The following MAP3K15 variants were observed in gnomAD, a reference collection of about 807,000 sequenced individuals.
MAP3K15 encodes the protein mitogen-activated protein kinase kinase kinase 15.
A neutral mutation model predicts 99.5 loss-of-function variants in MAP3K15; 124 were observed. That is an observed-to-expected ratio of 1.25 (90% confidence interval 1.08 to 1.45). MAP3K15 has a LOEUF of 1.45. Ranked by LOEUF, MAP3K15 falls within the 40% of genes most tolerant of loss-of-function variation. MAP3K15 has a pLI of 0.00. For missense variants in MAP3K15, 1,242 were observed against 1,079.7 expected, an observed-to-expected ratio of 1.15 and a Z score of -2.11; for synonymous variants, 494 against 439.6, an observed-to-expected ratio of 1.12 and a Z score of -1.55.
chrX:19,468,077 G>T (rs5909119), intron 3 of MAP3K15, among the ~76,000 whole-genome samples: 20 of 110,493 alleles, frequency 1.8e-4, no homozygotes, highest in Admixed American at 1.8e-3. Flanking sequence ...GAGAAAGGCA[G>T]GCTGTAAGAA....
At chrX:19,478,515 C>G (rs2064268289) in intron 3 of MAP3K15, among the ~76,000 whole-genome samples, 1 of 75,960 alleles carries the variant, frequency 1.3e-5, no homozygotes, top group African/African-American at 5.0e-5. Context: ...AAATTGTTAC[C>G]CTGACCGAGA....
At position 19,450,536 on chromosome X, in the gene MAP3K15, T is replaced by G. The variant is rs555148342; in HGVS notation, c.995+6377A>C. ...TCACTTGTTTGTATAAGTTCAGGTG[T>G]GTGTGAGAGAGAAATATACACGTGT... On this transcript the variant is annotated intron_variant, in intron 6 of 28. Transcript: ENST00000338883. Among the ~76,000 whole-genome samples, 3 of 110,207 alleles carry G rather than the reference T, an allele frequency of 2.7e-5. No individual in the cohort carries two copies. The East Asian group carries it at 8.3e-4, about 31-fold the overall frequency.
intron 1 of MAP3K15, among the ~76,000 whole-genome samples, chrX:19,510,414 C>A (rs770798805): frequency 3.6e-5 from 4 of 112,021 alleles, no homozygotes; most frequent in Non-Finnish European, 7.5e-5. Flanking sequence ...CAAACATAAT[C>A]GATCACATAA....
At chrX:19,428,584 C>A (rs927047041) in intron 7 of MAP3K15, among the ~76,000 whole-genome samples, 7 of 112,165 alleles carry the variant, frequency 6.2e-5, no homozygotes, top group Non-Finnish European at 1.1e-4. Flanking sequence ...AATATGGTAT[C>A]TTAAAATCAC....
intron 1 of MAP3K15, among the ~76,000 whole-genome samples, chrX:19,510,494 C>T (rs753443254): frequency 3.6e-5 from 4 of 112,181 alleles, no homozygotes; most frequent in East Asian, 2.8e-4. Flanking sequence ...AATTCAACAC[C>T]GCTTCATGCT....
At chrX:19,406,795 G>A (rs778478376) in intron 13 of MAP3K15, among the ~76,000 whole-genome samples, 4 of 112,703 alleles carry the variant, frequency 3.5e-5, no homozygotes, top group East Asian at 2.8e-4. Context: ...TCCACTTCCC[G>A]GGTTCAAGTG....
At chrX:19,485,619 C>T (rs1229476125) in intron 3 of MAP3K15, among the ~76,000 whole-genome samples, 2 of 111,084 alleles carry the variant, frequency 1.8e-5, no homozygotes, top group East Asian at 5.7e-4. Context: ...GGGACTTCTG[C>T]AGAGGGCGCC....
chrX:19,365,857 A>G (rs1295253799), intron 25 of MAP3K15, among the ~76,000 whole-genome samples: 1 of 108,970 alleles, frequency 9.2e-6, no homozygotes, highest in East Asian at 2.9e-4. Context: ...AAATACAAAA[A>G]TTAGCTGGGT....
At chrX:19,362,230 CTTTT>C (rs1159241316) in intron 26 of MAP3K15, among the ~76,000 whole-genome samples, 3 of 75,686 alleles carry the variant, frequency 4.0e-5, no homozygotes, top group Non-Finnish European at 4.9e-5. Context: ...CCTTTTGAAT[CTTTT>C]TTTTTTTTTT....
At chrX:19,366,108 T>A (rs1474993123) in intron 25 of MAP3K15, among the ~76,000 whole-genome samples, 1 of 109,156 alleles carries the variant, frequency 9.2e-6, no homozygotes, top group Non-Finnish European at 1.9e-5. Flanking sequence ...AACTCCTGGA[T>A]TATTTGGTGG....
intron 2 of MAP3K15, among the ~76,000 whole-genome samples, chrX:19,487,986 G>A (rs2064341041): frequency 9.0e-6 from 1 of 111,131 alleles, no homozygotes; most frequent in Non-Finnish European, 1.9e-5. Flanking sequence ...AGACTGTGAT[G>A]TAATTGGTCT....
intron 6 of MAP3K15, among the ~76,000 whole-genome samples, chrX:19,435,277 G>A (rs1379893286): frequency 1.9e-5 from 2 of 106,872 alleles, no homozygotes; most frequent in Non-Finnish European, 3.8e-5. Flanking sequence ...CCAGGCTGGA[G>A]TGCAGTGGTA....
chrX:19,429,792 G>GGAAGC (rs2063865470), intron 7 of MAP3K15, among the ~76,000 whole-genome samples: 1 of 81,356 alleles, frequency 1.2e-5, no homozygotes, highest in Non-Finnish European at 2.2e-5. Flanking sequence ...GAGAGAGAGA[G>GGAAGC]AGAGAGAGAG....
At chrX:19,505,748 T>C (rs942512790) in intron 1 of MAP3K15, among the ~76,000 whole-genome samples, 2 of 94,672 alleles carry the variant, frequency 2.1e-5, no homozygotes, top group Non-Finnish European at 2.1e-5. Context: ...ATCTCTTTTC[T>C]TTTTTTTTTT....
chrX:19,417,603 T>G (rs956216412), intron 9 of MAP3K15, among the ~76,000 whole-genome samples: 10 of 111,772 alleles, frequency 8.9e-5, no homozygotes, highest in Non-Finnish European at 1.9e-4. Context: ...CTCTCTAGAC[T>G]CCACCTCTGG....
At chrX:19,471,599 CA>C (rs1426605395) in intron 3 of MAP3K15, among the ~76,000 whole-genome samples, 1 of 110,956 alleles carries the variant, frequency 9.0e-6, no homozygotes, top group Admixed American at 9.7e-5. Context: ...TCTACATATC[CA>C]AGAAGCCAAA....
At position 19,388,508 on chromosome X, in the gene MAP3K15, C is replaced by G. The variant is rs375746273; in HGVS notation, c.2431+3494G>C. 2.9e-3 allele frequency among the ~76,000 whole-genome samples: 323 copies of G among 112,402 alleles called. 2 individuals are homozygous for G. The highest frequency in any genetic ancestry group is 9.8e-3 in the African/African-American group (304 of 30,965). ...TTCCAGCTCTAATAACCCATGACTTCTAAGTACAAGCGAGTATTTAATTAG... is the reference window on the plus strand; with the variant it reads ...TTCCAGCTCTAATAACCCATGACTTGTAAGTACAAGCGAGTATTTAATTAG... On this transcript the variant is annotated intron_variant, in intron 18 of 28. Transcript: ENST00000338883.
rs1183031632 is a variant in MAP3K15, at chrX:19,426,319, C to G, written c.1191G>C (p.Gln397His). ...GATTAATTCCCGAATAGAGGGATGA[C>G]TGGAGTTCAAACCCTTTGCGATACC... ...IEWYRKGFEL[Q>H]SSLYSGINLA... Residue 397 changes from glutamine (Q) to histidine (H), a missense_variant, in exon 8 of 29, where the codon CAG becomes CAC. Coordinates refer to ENST00000338883, the MANE Select transcript of MAP3K15 (RefSeq NM_001001671.4). 4 of 1,150,142 alleles carry G rather than the reference C, an allele frequency of 3.5e-6. 1 individual carries two copies. Among genetic ancestry groups the G allele is most frequent in the Non-Finnish European group, 4.6e-6 (4 of 865,972 alleles). 94.8% of individuals were successfully genotyped at this position (1,150,142 alleles called of 1,213,427 possible). A position where few individuals can be genotyped will look rare whatever the true frequency, so the allele number is the denominator to read the frequency against.
intron 16 of MAP3K15, among the ~76,000 whole-genome samples, chrX:19,394,818 TTTTTTTTTTTTTTTTTTA>T (rs2063555867): frequency 1.6e-5 from 1 of 64,475 alleles, no homozygotes; most frequent in Non-Finnish European, 2.6e-5. Flanking sequence ...TTTTTTTTTT[TTTTTTTTTTTTTTTTTTA>T]AAAAGAGTGA....
Sources: allele counts gnomAD v4.1 joint callset (sites outside exome capture counted in the v4.1 genomes callset), GRCh38; gene constraint gnomAD v4.1.1; transcripts MANE v1.5; gene names NCBI Gene and HGNC (gene_info 2026-07-23, HGNC 2026-07-21).